ZNF518A: variants seen among roughly 807,000 people sequenced by gnomAD.
ZNF518A encodes the protein zinc finger protein 518.
Under a neutral mutation model 102.7 loss-of-function variants are expected in ZNF518A, and 47 were observed. The observed-to-expected ratio is 0.46, with a 90% CI of 0.36 to 0.58. The LOEUF is 0.58. Among genes scored for constraint, ZNF518A ranks in the 20% least tolerant of loss-of-function variants. The probability of loss-of-function intolerance (pLI) is 0.00; values close to 1 mark genes in which losing one functional copy is unlikely to be tolerated. For missense variants in ZNF518A, 1,793 were observed against 1,699.8 expected, an observed-to-expected ratio of 1.05 and a Z score of -0.96; for synonymous variants, 652 against 594.6, an observed-to-expected ratio of 1.10 and a Z score of -1.40.
chr10:96,160,245 T>G lies in ZNF518A; in HGVS notation c.3923T>G (p.Val1308Gly). 6.2e-7 allele frequency: 1 copy of G among 1,613,356 alleles called. No homozygotes were observed. The highest frequency in any genetic ancestry group is 1.3e-5 in the African/African-American group (1 of 75,020). Reference sequence around the variant, plus strand: ...AAAGAAAAGGCAAAACCTGAAGATGTCCGTGAAACATTTGGATTTAGCAGA... The same window carrying G: ...AAAGAAAAGGCAAAACCTGAAGATGGCCGTGAAACATTTGGATTTAGCAGA... ...KCKEKAKPED[V>G]RETFGFSRPR... Residue 1308 changes from valine to glycine, a missense_variant, in exon 6 of 6, where the codon GTC becomes GGC. Around this residue, in one of 3 missense-constraint regions of ZNF518A, gnomAD observed 1,741 missense variants for 1,622.6 expected, o/e 1.07. Coordinates refer to ENST00000316045, the MANE Select transcript of ZNF518A (RefSeq NM_001330736.2).
chr10:96,203,354 C>A (rs1257795143), intron 1 of ZNF518A, among the ~76,000 whole-genome samples: 2 of 151,696 alleles, frequency 1.3e-5, no homozygotes, highest in African/African-American at 4.8e-5. Context: ...TTTAAAAAGC[C>A]AATTTATGTT....
intron 3 of ZNF518A, among the ~76,000 whole-genome samples, chr10:96,137,964 G>A (rs1284384698): frequency 1.3e-5 from 2 of 152,046 alleles, no homozygotes; most frequent in African/African-American, 4.8e-5. Context: ...ATATCTCGGT[G>A]AATAGCAACT....
downstream of ZNF518A, among the ~76,000 whole-genome samples, chr10:96,168,507 T>G (rs147272959): frequency 0.013 from 1,910 of 152,218 alleles, 24 homozygotes; most frequent in Non-Finnish European, 0.02. Flanking sequence ...TTATACTCCC[T>G]TTAGCTTTTT....
chr10:96,132,414 AT>A (rs2081384687), intron 1 of ZNF518A, among the ~76,000 whole-genome samples, 171 bp from the exon 2 acceptor site: 1 of 150,984 alleles, frequency 6.6e-6, no homozygotes, highest in African/African-American at 2.4e-5. Flanking sequence ...ACTTTTGCAA[AT>A]TTGTGACATG....
chr10:96,194,917 C>A (rs1192853682), intron 1 of ZNF518A, among the ~76,000 whole-genome samples: 1 of 151,364 alleles, frequency 6.6e-6, no homozygotes, highest in Middle Eastern at 3.4e-3. Context: ...ACTACAGGCA[C>A]GCGCCACCAT....
chr10:96,157,934 A>C lies in ZNF518A; in HGVS notation c.1612A>C (p.Asn538His). The C allele has an allele frequency of 1.2e-6, 2 of 1,613,852 alleles. No homozygotes were observed. The highest frequency in any genetic ancestry group is 1.7e-6 in the Non-Finnish European group (2 of 1,179,748). Residue 538 changes from asparagine (N) to histidine (H), a missense_variant, in exon 6 of 6, where the codon AAT (asparagine) becomes CAT (histidine). Physicochemically the swap from Asn to His is moderately conservative, Grantham distance 68. This residue lies in a region of ZNF518A where 1,741 missense variants were observed against 1,622.6 expected (regional missense o/e 1.07). Transcript: ENST00000316045. ...AGAAATGACTTTGATATCTCAAAGG[A>C]ATAATATGCTTCAAACAATGGATTA... The part of the protein sequence containing the change: ...EKEMTLISQR[N>H]NMLQTMDYEK...
chr10:96,190,015 C>A, intron 1 of ZNF518A: 2 of 807,006 alleles, frequency 2.5e-6, no homozygotes, highest in South Asian at 2.7e-5. Context: ...AATTGGACTG[C>A]CTTCATAATT....
At chr10:96,181,838 T>A (rs781970389) in intron 1 of ZNF518A, among the ~76,000 whole-genome samples, 1 of 152,186 alleles carries the variant, frequency 6.6e-6, no homozygotes, top group Non-Finnish European at 1.5e-5. Context: ...TTTGGTTCCA[T>A]ATGAACTCTA....
At chr10:96,137,917 C>T (rs1554875109) in intron 3 of ZNF518A, among the ~76,000 whole-genome samples, 1 of 152,086 alleles carries the variant, frequency 6.6e-6, no homozygotes, top group South Asian at 2.1e-4. Flanking sequence ...TAAAATGGAA[C>T]TTTTGATAAA....
Position 96,156,371 on chromosome 10 carries a change from T to C in ZNF518A, c.49T>C (p.Leu17=). 6.3e-7 allele frequency: 1 copy of C among 1,592,440 alleles called. No homozygotes were observed. The highest frequency in any genetic ancestry group is 1.8e-5 in the Admixed American group (1 of 54,072). ...QLFCDEKQTT[L]KKDYDVKNEI... ...ATTTTGTGATGAAAAACAAACTACT[T>C]TAAAAAAAGATTATGATGTGAAAAA... The change falls in exon 6 of 6, where the codon TTA becomes CTA. Residue 17 remains leucine, a synonymous_variant. Transcript: ENST00000316045.
chr10:96,204,166 G>A, downstream of ZNF518A: 1 of 1,418,376 alleles, frequency 7.1e-7, no homozygotes, highest in Non-Finnish European at 1.0e-6. Flanking sequence ...CACTGATGAT[G>A]CTGTGAACAG....
Position 96,163,198 on chromosome 10 carries a change from T to C in ZNF518A, c.*2424T>C, listed in dbSNP as rs2083065898. The C allele has an allele frequency of 6.0e-6, 1 of 167,052 alleles. No homozygotes were observed. 10.3% of individuals were successfully genotyped at this position (167,052 alleles called of 1,614,324 possible). A position where few individuals can be genotyped will look rare whatever the true frequency, so the allele number is the denominator to read the frequency against. On this transcript the variant is annotated 3_prime_UTR_variant, in exon 6 of 6. Coordinates refer to ENST00000316045, the MANE Select transcript of ZNF518A (RefSeq NM_001330736.2). ...TTTAAAGTAAGCTTTGTGCTCCAGA[T>C]ATTCTAGTTGGAACTTTTTCTGATT...
intron 3 of ZNF518A, among the ~76,000 whole-genome samples, chr10:96,148,617 C>G (rs1447225470): frequency 6.6e-6 from 1 of 152,090 alleles, no homozygotes; most frequent in Non-Finnish European, 1.5e-5. Context: ...TCTGAACCCA[C>G]AGAAGGGCTT....
At chr10:96,203,988 A>G (rs1015409404) in exon 3 of ZNF518A, 1 of 1,354,354 alleles carries the variant, frequency 7.4e-7, no homozygotes, top group African/African-American at 1.4e-5. Context: ...GTTAGAACCC[A>G]GGCCTATCAG....
chr10:96,204,722 C>T, downstream of ZNF518A: 1 of 975,016 alleles, frequency 1.0e-6, no homozygotes, highest in Admixed American at 1.9e-5. Context: ...AGAAGTCTTC[C>T]CGGGAACATG....
chr10:96,204,905 G>T, downstream of ZNF518A: 1 of 388,204 alleles, frequency 2.6e-6, no homozygotes, highest in Non-Finnish European at 4.9e-6. Context: ...AACTTTAAGT[G>T]TGTGAGTATA....
intron 1 of ZNF518A, among the ~76,000 whole-genome samples, chr10:96,182,658 G>A (rs1453674807): frequency 6.6e-6 from 1 of 152,148 alleles, no homozygotes; most frequent in African/African-American, 2.4e-5. Flanking sequence ...AACCAGCCTT[G>A]CATCCCACGT....
chr10:96,182,667 G>A (rs2083247130), intron 1 of ZNF518A, among the ~76,000 whole-genome samples: 3 of 152,160 alleles, frequency 2.0e-5, no homozygotes, highest in Admixed American at 1.3e-4. Context: ...TGCATCCCAC[G>A]TATGAAGCCA....
At chr10:96,165,137 T>A (rs1554889871), downstream of ZNF518A, among the ~76,000 whole-genome samples, 1 of 152,016 alleles carries the variant, frequency 6.6e-6, no homozygotes, top group African/African-American at 2.4e-5. Flanking sequence ...ATTTATTTAT[T>A]TTTCGAGATG....
Sources: gnomAD v4.1 joint callset for allele counts (sites outside exome capture counted in the v4.1 genomes callset) on GRCh38, gnomAD v4.1.1 for gene constraint, gnomAD v4.1.1 regional missense constraint, MANE v1.5 for transcripts, NCBI Gene and HGNC (gene_info 2026-07-23, HGNC 2026-07-21) for gene names.